Variants in SOS1 observed in about 807,000 individuals in gnomAD.
SOS1 encodes the protein SOS Ras/Rac guanine nucleotide exchange factor 1, also known as son of sevenless homolog 1.
SOS1 carries 25 observed loss-of-function variants against 157.6 expected under a neutral mutation model. That is an observed-to-expected ratio of 0.16 (90% CI 0.12 to 0.22). SOS1 has a LOEUF of 0.22. Among genes scored for constraint, SOS1 ranks in the 10% least tolerant of loss-of-function variants. The pLI, the probability that SOS1 is intolerant of heterozygous loss-of-function variation, is 1.00. For missense variants in SOS1, 1,237 were observed against 1,599.1 expected, an observed-to-expected ratio of 0.77 and a Z score of 3.86; for synonymous variants, 528 against 534.0, an observed-to-expected ratio of 0.99 and a Z score of 0.16.
intron 1 of SOS1, among the ~76,000 whole-genome samples, chr2:39,094,407 G>A (rs1254686929): frequency 1.3e-5 from 2 of 152,096 alleles, no homozygotes; most frequent in Non-Finnish European, 2.9e-5. Flanking sequence ...CAGCTCTTTG[G>A]GAGGCCGAGG....
chr2:39,069,040 G>T (rs1322143794), intron 1 of SOS1, among the ~76,000 whole-genome samples: 1 of 151,830 alleles, frequency 6.6e-6, no homozygotes, highest in East Asian at 1.9e-4. Context: ...AGTGTACAGG[G>T]AAAATTTTAT....
chr2:39,043,676 C>A (rs1670652725), intron 6 of SOS1, among the ~76,000 whole-genome samples: 1 of 152,122 alleles, frequency 6.6e-6, no homozygotes, highest in Non-Finnish European at 1.5e-5. Context: ...TCTGCAGAGT[C>A]CTGACGCGGT....
chr2:38,982,545 T>C lies in SOS1; in HGVS notation c.*3279A>G, dbSNP rs1668434871. The C allele has an allele frequency of 6.6e-6, 1 of 152,144 alleles. No individual in the cohort carries two copies. The highest frequency in any genetic ancestry group is 2.1e-4 in the South Asian group (1 of 4,828). 9.4% of individuals were successfully genotyped at this position (152,144 alleles called of 1,614,324 possible). Reference sequence around the variant, plus strand: ...GACCTATACTTGCGTAGTCACACAATATATGTTAAAAGAATAAGTAAACCT... The same window carrying C: ...GACCTATACTTGCGTAGTCACACAACATATGTTAAAAGAATAAGTAAACCT... On this transcript the variant is annotated 3_prime_UTR_variant, in exon 23 of 23. Coordinates refer to ENST00000402219, the MANE Select transcript of SOS1 (RefSeq NM_005633.4).
chr2:39,029,141 G>T (rs1209702037), intron 8 of SOS1, among the ~76,000 whole-genome samples: 5 of 152,202 alleles, frequency 3.3e-5, no homozygotes, highest in African/African-American at 9.6e-5. Flanking sequence ...ACACCTAAAA[G>T]GTATGGGTGG....
At chr2:39,007,772 G>A (rs184207397) in intron 15 of SOS1, among the ~76,000 whole-genome samples, 1 of 152,180 alleles carries the variant, frequency 6.6e-6, no homozygotes, top group African/African-American at 2.4e-5. Context: ...GATAGTATGA[G>A]GAGCTTCACT....
chr2:39,022,523 G>C, intron 10 of SOS1, 47 bp downstream of exon 10: 1 of 1,473,820 alleles, frequency 6.8e-7, no homozygotes, highest in Non-Finnish European at 9.5e-7. Context: ...AAGAAAATCA[G>C]TTTGAAGCAG....
chr2:39,086,394 GT>G (rs1672371389), intron 1 of SOS1, among the ~76,000 whole-genome samples: 1 of 152,188 alleles, frequency 6.6e-6, no homozygotes, highest in South Asian at 2.1e-4. Context: ...ATGAGCAGAT[GT>G]TTTCATAAGT....
At chr2:39,056,329 A>G (rs1572858929) in intron 4 of SOS1, among the ~76,000 whole-genome samples, 1 of 152,160 alleles carries the variant, frequency 6.6e-6, no homozygotes, top group African/African-American at 2.4e-5. Flanking sequence ...AGGCAGGACA[A>G]TCACTTGAAT....
intron 1 of SOS1, among the ~76,000 whole-genome samples, chr2:39,077,782 C>CA (rs1187371469): frequency 5.3e-5 from 8 of 152,132 alleles, no homozygotes. Context: ...TTCCCTATCA[C>CA]ATACCATATA....
At chr2:39,015,888 TA>T (rs1193787574) in intron 10 of SOS1, among the ~76,000 whole-genome samples, 1 of 151,372 alleles carries the variant, frequency 6.6e-6, no homozygotes, top group African/African-American at 2.4e-5. Context: ...CTATTTGTAT[TA>T]GGGACTGGTA....
intron 1 of SOS1, among the ~76,000 whole-genome samples, chr2:39,086,800 T>C (rs914683282): frequency 2.0e-5 from 3 of 152,142 alleles, no homozygotes; most frequent in Non-Finnish European, 4.4e-5. Context: ...AGGGAAATAG[T>C]CACAGTTGCG....
At position 38,989,309 on chromosome 2, in the gene SOS1, C is replaced by A. The variant is rs1276062555; in HGVS notation, c.3352G>T (p.Asp1118Tyr). 2 of 1,604,542 alleles carry A rather than the reference C, an allele frequency of 1.2e-6. No individual in the cohort carries two copies. Among genetic ancestry groups the A allele is most frequent in the Admixed American group, 3.3e-5 (2 of 59,874 alleles). Residue 1118 changes from aspartate to tyrosine, a missense_variant, in exon 21 of 23, where the codon GAT (aspartate) becomes TAT (tyrosine). Physicochemically the swap from Asp to Tyr is radical, Grantham distance 160 (BLOSUM62 -3). This residue lies in a region of SOS1 where 306 missense variants were observed against 322.6 expected (regional missense o/e 0.95). Coordinates refer to ENST00000402219, the MANE Select transcript of SOS1 (RefSeq NM_005633.4). ...AGAGTAACTTGGATAAAGACGGTATCATTGCCTGTGAAAGGAAACAAGAAA... is the reference window on the plus strand; with the variant it reads ...AGAGTAACTTGGATAAAGACGGTATAATTGCCTGTGAAAGGAAACAAGAAA... The part of the protein sequence containing the change: ...DHSSPFHSSN[D>Y]TVFIQVTLPH...
intron 1 of SOS1, among the ~76,000 whole-genome samples, chr2:39,075,241 G>A (rs2148156435): frequency 6.6e-6 from 1 of 152,270 alleles, no homozygotes; most frequent in South Asian, 2.1e-4. Flanking sequence ...AAGGTAGAAG[G>A]AGGTAGGCTT....
chr2:39,051,776 C>A (rs900370225), intron 5 of SOS1, among the ~76,000 whole-genome samples: 3 of 152,074 alleles, frequency 2.0e-5, no homozygotes, highest in Non-Finnish European at 4.4e-5. Flanking sequence ...TCTAACATAG[C>A]GTACTAGAAG....
chr2:39,090,312 T>C (rs1019703094), intron 1 of SOS1, among the ~76,000 whole-genome samples: 3 of 152,212 alleles, frequency 2.0e-5, no homozygotes, highest in African/African-American at 7.2e-5. Flanking sequence ...TTTTCCTCTA[T>C]GATCATTTCT....
At chr2:39,030,504 AGACTG>A (rs1307361537) in intron 8 of SOS1, among the ~76,000 whole-genome samples, 1 of 152,138 alleles carries the variant, frequency 6.6e-6, no homozygotes, top group Admixed American at 6.5e-5. Context: ...CATGAGTTCC[AGACTG>A]TAGCAAGCTA....
intron 1 of SOS1, among the ~76,000 whole-genome samples, chr2:39,108,673 G>C (rs1481418662): frequency 6.6e-6 from 1 of 152,154 alleles, no homozygotes; most frequent in South Asian, 2.1e-4. Flanking sequence ...AGGATCACTT[G>C]AGGCCAGGAG....
At chr2:39,069,856 ATTTTT>A (rs1671738591) in intron 1 of SOS1, among the ~76,000 whole-genome samples, 1 of 152,166 alleles carries the variant, frequency 6.6e-6, no homozygotes, top group African/African-American at 2.4e-5. Flanking sequence ...CCTAAAACAA[ATTTTT>A]TTAACAATTT....
At chr2:39,006,907 G>T in intron 16 of SOS1, 124 bp downstream of exon 16, 1 of 725,284 alleles carries the variant, frequency 1.4e-6, no homozygotes, top group South Asian at 1.7e-5. Flanking sequence ...AGATAATTCA[G>T]TCTTTTAATC....
Sources: allele counts gnomAD v4.1 joint callset (sites outside exome capture counted in the v4.1 genomes callset), GRCh38; gene constraint gnomAD v4.1.1; regional missense constraint gnomAD v4.1.1; transcripts MANE v1.5; gene names NCBI Gene and HGNC (gene_info 2026-07-23, HGNC 2026-07-21).